GRM8: variants seen among roughly 807,000 people sequenced by gnomAD.
The protein encoded by GRM8 is glutamate metabotropic receptor 8.
A neutral mutation model predicts 87.2 loss-of-function variants in GRM8; 47 were observed. That is an observed-to-expected ratio of 0.54 (90% CI 0.43 to 0.69). GRM8 has a LOEUF of 0.69. Among genes scored for constraint, GRM8 ranks in the 30% least tolerant of loss-of-function variants. The probability of loss-of-function intolerance (pLI) is 0.00; values close to 1 mark genes in which losing one functional copy is unlikely to be tolerated. For missense variants in GRM8, 1,019 were observed against 1,139.2 expected (o/e 0.89, Z 1.52); for synonymous variants, 396 against 404.5 (o/e 0.98, Z 0.25).
At chr7:126,647,998 T>C (rs1803357007) in intron 7 of GRM8, among the ~76,000 whole-genome samples, 2 of 152,214 alleles carry the variant, frequency 1.3e-5, no homozygotes, top group Admixed American at 1.3e-4. Flanking sequence ...ATGAACAATT[T>C]AGATTCTGGC....
At chr7:126,933,166 C>T (rs1046109262) in intron 3 of GRM8, among the ~76,000 whole-genome samples, 2 of 152,194 alleles carry the variant, frequency 1.3e-5, no homozygotes, top group East Asian at 1.9e-4. Context: ...TGCAATGTGG[C>T]TTAGCCCCCA....
At chr7:126,566,838 T>C (rs1328798192) in intron 8 of GRM8, among the ~76,000 whole-genome samples, 1 of 152,186 alleles carries the variant, frequency 6.6e-6, no homozygotes, top group African/African-American at 2.4e-5. Flanking sequence ...CATGAAATAT[T>C]ATTTATCTTT....
chr7:126,722,971 T>TATATATATA (rs1812575628), intron 7 of GRM8, among the ~76,000 whole-genome samples: 1 of 144,308 alleles, frequency 6.9e-6, no homozygotes, highest in Admixed American at 7.0e-5. Flanking sequence ...TGTAAATATA[T>TATATATATA]AATTTACATA....
chr7:126,625,785 T>A (rs930913772), intron 7 of GRM8, among the ~76,000 whole-genome samples: 8 of 152,110 alleles, frequency 5.3e-5, no homozygotes, highest in African/African-American at 1.9e-4. Flanking sequence ...CCACAGAGAC[T>A]ATTAAAATAT....
chr7:126,790,078 G>T (rs1821115504), intron 6 of GRM8, among the ~76,000 whole-genome samples: 1 of 151,866 alleles, frequency 6.6e-6, no homozygotes, highest in Non-Finnish European at 1.5e-5. Context: ...CACAATCTCG[G>T]CTCACTGCAA....
At chr7:126,493,739 T>C (rs528630653) in intron 9 of GRM8, among the ~76,000 whole-genome samples, 10 of 152,034 alleles carry the variant, frequency 6.6e-5, no homozygotes, top group Admixed American at 1.3e-4. Flanking sequence ...GTTGGAATAA[T>C]AATGGCTACC....
At chr7:126,599,825 T>C (rs1797561472) in intron 8 of GRM8, among the ~76,000 whole-genome samples, 1 of 152,164 alleles carries the variant, frequency 6.6e-6, no homozygotes, top group Non-Finnish European at 1.5e-5. Flanking sequence ...TATCCTTGGA[T>C]GCTGAACCCG....
At chr7:127,003,594 T>C (rs896162120) in intron 3 of GRM8, among the ~76,000 whole-genome samples, 3 of 151,768 alleles carry the variant, frequency 2.0e-5, no homozygotes, top group African/African-American at 4.8e-5. Context: ...CCATATTATG[T>C]GTAGCTGTGT....
At chr7:127,074,319 GT>G (rs1822037443) in intron 3 of GRM8, among the ~76,000 whole-genome samples, 1 of 152,164 alleles carries the variant, frequency 6.6e-6, no homozygotes, top group African/African-American at 2.4e-5. Flanking sequence ...CATAGTCAAT[GT>G]TTTACATTTC....
chr7:126,827,260 T>A (rs1453832098), intron 6 of GRM8, among the ~76,000 whole-genome samples: 6 of 152,182 alleles, frequency 3.9e-5, no homozygotes, highest in Non-Finnish European at 7.4e-5. Flanking sequence ...AAGAAAGTCA[T>A]TGGTAGCTTG....
At chr7:127,107,201 A>G (rs1273348201) in intron 2 of GRM8, among the ~76,000 whole-genome samples, 1 of 152,204 alleles carries the variant, frequency 6.6e-6, no homozygotes, top group African/African-American at 2.4e-5. Flanking sequence ...TCTTAAGACT[A>G]TATTTTTAGT....
intron 9 of GRM8, among the ~76,000 whole-genome samples, chr7:126,503,327 C>A (rs1809921608): frequency 6.6e-6 from 1 of 152,050 alleles, no homozygotes; most frequent in Non-Finnish European, 1.5e-5. Context: ...AAAGCCTGAT[C>A]AGACATGAGA....
intron 6 of GRM8, among the ~76,000 whole-genome samples, chr7:126,866,883 C>T (rs1254257219): frequency 6.6e-6 from 1 of 151,984 alleles, no homozygotes; most frequent in Non-Finnish European, 1.5e-5. Context: ...AGCTACCGCG[C>T]CCTGCCTTGA....
At chr7:126,835,908 C>A (rs1425714929) in intron 6 of GRM8, among the ~76,000 whole-genome samples, 3 of 152,108 alleles carry the variant, frequency 2.0e-5, no homozygotes, top group African/African-American at 7.2e-5. Context: ...TCTTCAAGGG[C>A]AGAATACTTG....
intron 9 of GRM8, among the ~76,000 whole-genome samples, chr7:126,452,974 G>C (rs958529434): frequency 1.3e-5 from 2 of 151,310 alleles, no homozygotes; most frequent in Non-Finnish European, 3.0e-5. Context: ...TTGACAACCT[G>C]TTCTCTATTC....
intron 6 of GRM8, among the ~76,000 whole-genome samples, chr7:126,824,761 T>C (rs781381664): frequency 1.3e-5 from 2 of 152,236 alleles, no homozygotes; most frequent in Non-Finnish European, 2.9e-5. Flanking sequence ...TTAAAAATTA[T>C]TTTCTTCACC....
intron 3 of GRM8, among the ~76,000 whole-genome samples, chr7:127,086,441 T>C (rs1823514118): frequency 6.6e-6 from 1 of 152,116 alleles, no homozygotes; most frequent in Non-Finnish European, 1.5e-5. Context: ...GTATCCAAAT[T>C]CCGAAGCAAT....
chr7:126,620,117 C>A (rs1261093753), intron 7 of GRM8, among the ~76,000 whole-genome samples: 5 of 152,102 alleles, frequency 3.3e-5, no homozygotes, highest in Admixed American at 3.3e-4. Flanking sequence ...CAGTGAGACC[C>A]CCATCTCTAC....
intron 2 of GRM8, among the ~76,000 whole-genome samples, chr7:127,150,948 G>A (rs1381439098): frequency 6.6e-6 from 1 of 152,106 alleles, no homozygotes; most frequent in Non-Finnish European, 1.5e-5. Flanking sequence ...GCTGTCTTAA[G>A]AAGGTTGTTG....
Sources: allele counts gnomAD v4.1 joint callset (sites outside exome capture counted in the v4.1 genomes callset), GRCh38; gene constraint gnomAD v4.1.1; transcripts MANE v1.5; gene names NCBI Gene and HGNC (gene_info 2026-07-23, HGNC 2026-07-21).